SLC2A14: variants seen among roughly 807,000 people sequenced by gnomAD.
SLC2A14 encodes solute carrier family 2, facilitated glucose transporter member 14.
Under a neutral mutation model 43.0 loss-of-function variants are expected in SLC2A14, and 13 were observed. The observed-to-expected ratio is 0.30, with a 90% confidence interval of 0.20 to 0.48. SLC2A14 has a LOEUF of 0.48. SLC2A14 is among the 20% of genes least tolerant of loss of function. The pLI, the probability that SLC2A14 is intolerant of heterozygous loss-of-function variation, is 0.99. For missense variants in SLC2A14, 428 were observed against 620.4 expected (o/e 0.69, Z 3.29); for synonymous variants, 190 against 233.8 (o/e 0.81, Z 1.71).
chr12:7,823,660 C>T (rs1436904963), intron 7 of SLC2A14, among the ~76,000 whole-genome samples: 1 of 151,750 alleles, frequency 6.6e-6, no homozygotes, highest in African/African-American at 2.4e-5. Flanking sequence ...GTGGAGGTTG[C>T]GGTGAGCCGA....
intron 1 of SLC2A14, chr12:7,870,833 C>T: frequency 8.0e-7 from 1 of 1,247,008 alleles, no homozygotes; most frequent in South Asian, 1.5e-5. Context: ...AGTGAAGCCC[C>T]CACCCACCTG....
chr12:7,837,828 G>A, intron 2 of SLC2A14, among the ~76,000 whole-genome samples: 1 of 151,808 alleles, frequency 6.6e-6, no homozygotes, highest in East Asian at 1.9e-4. Flanking sequence ...CACAGTCTTG[G>A]CTCACTGCAA....
intron 2 of SLC2A14, among the ~76,000 whole-genome samples, chr12:7,862,113 A>T (rs1366583228): frequency 6.6e-6 from 1 of 150,790 alleles, no homozygotes; most frequent in Non-Finnish European, 1.5e-5. Context: ...AAAATACAAA[A>T]ATTATCTGGG....
chr12:7,829,448 T>C (rs902280686), intron 5 of SLC2A14, among the ~76,000 whole-genome samples: 3 of 150,324 alleles, frequency 2.0e-5, no homozygotes, highest in Non-Finnish European at 4.4e-5. Context: ...TAATCCCAGC[T>C]ACTCGGGAGG....
At chr12:7,841,839 C>T (rs1252253320) in intron 2 of SLC2A14, among the ~76,000 whole-genome samples, 1 of 151,912 alleles carries the variant, frequency 6.6e-6, no homozygotes, top group Admixed American at 6.6e-5. Flanking sequence ...AACCCCATCT[C>T]TACTAAAAAT....
chr12:7,887,558 CAGAT>C (rs58618647), intron 1 of SLC2A14, among the ~76,000 whole-genome samples: 22,206 of 148,232 alleles, frequency 0.15, 1,698 homozygotes, highest in African/African-American at 0.2. Flanking sequence ...GTAGATAAAT[CAGAT>C]AGATAGATAG....
chr12:7,857,523 G>A (rs1259826555), intron 2 of SLC2A14, among the ~76,000 whole-genome samples: 1 of 152,088 alleles, frequency 6.6e-6, no homozygotes, highest in Non-Finnish European at 1.5e-5. Flanking sequence ...GGGAGGTAAA[G>A]GTTGCAGCGA....
intron 7 of SLC2A14, among the ~76,000 whole-genome samples, chr12:7,824,503 G>A (rs536428248): frequency 6.6e-6 from 1 of 151,932 alleles, no homozygotes; most frequent in East Asian, 2.0e-4. Context: ...GGAGGCATAG[G>A]CGGGCAGATC....
chr12:7,854,934 C>T (rs917174161), intron 2 of SLC2A14, among the ~76,000 whole-genome samples: 13 of 151,810 alleles, frequency 8.6e-5, no homozygotes, highest in African/African-American at 2.7e-4. Context: ...CTCAGCCTCC[C>T]GAGTAGCTGG....
chr12:7,831,538 A>G (rs552456316), intron 4 of SLC2A14, 66 bp downstream of exon 4: 1,177 of 1,595,078 alleles, frequency 7.4e-4, no homozygotes, highest in Non-Finnish European at 9.3e-4. Flanking sequence ...CCCTGCCCTA[A>G]CTCTCCACAC....
chr12:7,836,383 G>C (rs1865464101), intron 2 of SLC2A14, among the ~76,000 whole-genome samples: 1 of 151,442 alleles, frequency 6.6e-6, no homozygotes, highest in Non-Finnish European at 1.5e-5. Context: ...ACCACGCCCA[G>C]CTAATTTTTT....
At chr12:7,826,876 T>TC (rs1864446190) in intron 7 of SLC2A14, among the ~76,000 whole-genome samples, 2 of 60,826 alleles carry the variant, frequency 3.3e-5, no homozygotes, top group African/African-American at 7.2e-5. Flanking sequence ...TTTCTTTCTT[T>TC]CTTTCTTTCT....
chr12:7,814,644 T>TA, intron 10 of SLC2A14, 110 bp from the exon 11 acceptor site: 1 of 1,155,866 alleles, frequency 8.7e-7, no homozygotes, highest in Non-Finnish European at 1.2e-6. Context: ...AACCCTTCCA[T>TA]ATTTAATGAA....
chr12:7,862,381 C>T lies in SLC2A14; in HGVS notation c.18+7482G>A, dbSNP rs972878506. ...TCCCCCAGCAGTGCCAGCCCACCGG[C>T]GCTGCGCTCGATTTCTCGCCGGGCC... On this transcript the variant is annotated intron_variant, in intron 2 of 10. Coordinates refer to ENST00000431042, the MANE Select transcript of SLC2A14 (RefSeq NM_001286234.2). Among the ~76,000 whole-genome samples, 2 of 152,022 alleles carry T rather than the reference C, an allele frequency of 1.3e-5. 1 individual carries two copies. The highest frequency in any genetic ancestry group is 1.3e-4 in the Admixed American group (2 of 15,248).
chr12:7,826,834 TTTCC>T (rs71038778), intron 7 of SLC2A14, among the ~76,000 whole-genome samples: 5 of 29,624 alleles, frequency 1.7e-4, no homozygotes, highest in South Asian at 3.1e-3. Context: ...TCTTTCTTTC[TTTCC>T]TTCCTTCCTT....
chr12:7,849,753 A>T (rs1161728656), intron 2 of SLC2A14, among the ~76,000 whole-genome samples: 1 of 151,540 alleles, frequency 6.6e-6, no homozygotes, highest in Non-Finnish European at 1.5e-5. Context: ...GCAAAAAAAA[A>T]TTAGCCGGGT....
chr12:7,862,792 T>C (rs1300638388), intron 2 of SLC2A14, among the ~76,000 whole-genome samples: 1 of 152,110 alleles, frequency 6.6e-6, no homozygotes, highest in South Asian at 2.1e-4. Context: ...GTGCACCAAT[T>C]GACACTCTTT....
In SLC2A14 at chr12:7,827,717, A is replaced by G; in HGVS notation, c.677-35T>C. ...AGAAGAAAGAGGAAAGGATAAAGAG[A>G]ATGTGCTGCCCCAAATTCATTCTTC... On this transcript the variant is annotated intron_variant, in intron 6 of 10. Transcript: ENST00000431042. The G allele has an allele frequency of 1.5e-5, 20 of 1,352,576 alleles. 1 individual carries two copies. In the South Asian group the frequency reaches 3.0e-4, roughly 20 times the overall value. 83.8% of individuals were successfully genotyped at this position (1,352,576 alleles called of 1,614,324 possible). A position where few individuals can be genotyped will look rare whatever the true frequency, so the allele number is the denominator to read the frequency against.
Position 7,832,862 on chromosome 12 carries a change from A to G in SLC2A14, c.19-48T>C, listed in dbSNP as rs756688163. The G allele has an allele frequency of 1.2e-5, 19 of 1,561,666 alleles. No homozygotes were observed. In the South Asian group the frequency reaches 1.7e-4, roughly 14 times the overall value. ...GGAGAGAATAGTCCTTAAAACTTGT[A>G]ATTGATGACTGTTTCTTATTAATTA... On this transcript the variant is annotated intron_variant, in intron 2 of 10. Coordinates refer to ENST00000431042, the MANE Select transcript of SLC2A14 (RefSeq NM_001286234.2).
Sources: gnomAD v4.1 joint callset for allele counts (sites outside exome capture counted in the v4.1 genomes callset) on GRCh38, gnomAD v4.1.1 for gene constraint, MANE v1.5 for transcripts, NCBI Gene and HGNC (gene_info 2026-07-23, HGNC 2026-07-21) for gene names.